Variants in CRTAC1 observed in about 807,000 individuals in gnomAD.
CRTAC1 encodes acidic secreted protein in cartilage.
Under a neutral mutation model 67.8 loss-of-function variants are expected in CRTAC1, and 37 were observed. The observed-to-expected ratio is 0.55, with a 90% CI of 0.42 to 0.72. The LOEUF (loss-of-function observed/expected upper bound fraction) is 0.72, where lower values mean the gene tolerates loss of function less well. Ranked by LOEUF, CRTAC1 falls within the 30% of genes least tolerant of loss-of-function variation. CRTAC1 has a pLI of 0.00. For missense variants in CRTAC1, 780 were observed against 931.6 expected (o/e 0.84, Z 2.12); for synonymous variants, 348 against 371.0 (o/e 0.94, Z 0.71).
intron 4 of CRTAC1, among the ~76,000 whole-genome samples, chr10:97,922,016 T>TC (rs2050847280): frequency 6.6e-6 from 1 of 151,808 alleles, no homozygotes; most frequent in Admixed American, 6.6e-5. Context: ...TGCATGCCTC[T>TC]CCCCCCAGTT....
At chr10:97,979,785 ATTTT>A (rs973638026) in intron 2 of CRTAC1, among the ~76,000 whole-genome samples, 3 of 151,316 alleles carry the variant, frequency 2.0e-5, no homozygotes, top group Non-Finnish European at 4.4e-5. Flanking sequence ...TGTCACCAGT[ATTTT>A]TTTTTGAAGG....
At chr10:97,904,180 C>G (rs1406371690) in intron 7 of CRTAC1, among the ~76,000 whole-genome samples, 1 of 152,094 alleles carries the variant, frequency 6.6e-6, no homozygotes, top group African/African-American at 2.4e-5. Flanking sequence ...TGCTCTCCCA[C>G]CTCTGCTGAC....
At chr10:97,908,669 A>G (rs188464504) in intron 5 of CRTAC1, among the ~76,000 whole-genome samples, 3 of 152,332 alleles carry the variant, frequency 2.0e-5, no homozygotes, top group Admixed American at 1.3e-4. Flanking sequence ...TACATCCATC[A>G]ATAGTGAATG....
rs760650627 is a variant in CRTAC1, at chr10:97,923,289, C to T, written c.533G>A (p.Arg178His). ...CTTTCTGTCCACACAGGCCACAGAG[C>T]GTCCGGCAAAGAGGCTGGCCACACC... ...ARGVASLFAG[R>H]SVACVDRKGS... The change falls in exon 4 of 15, where the codon CGC becomes CAC. Residue 178 changes from arginine to histidine, a missense_variant. Physicochemically the swap from Arg to His is conservative, Grantham distance 29. Coordinates refer to ENST00000370597, the MANE Select transcript of CRTAC1 (RefSeq NM_018058.7). 7 of 1,614,018 alleles carry T rather than the reference C, an allele frequency of 4.3e-6. No individual in the cohort carries two copies. Among genetic ancestry groups the T allele is most frequent in the African/African-American group, 1.3e-5 (1 of 74,938 alleles).
chr10:97,908,211 G>A, intron 5 of CRTAC1, 64 bp from the exon 6 acceptor site: 1 of 1,586,794 alleles, frequency 6.3e-7, no homozygotes, highest in East Asian at 2.2e-5. Flanking sequence ...TGGAGGACAG[G>A]GCTGCCTCTG....
Position 97,865,616 on chromosome 10 carries a change from GTGCAGCAGTGGCAGC to G in CRTAC1, c.1903_1917del (p.Ala635_Ala639del). 1 of 1,613,638 alleles carries G rather than the reference GTGCAGCAGTGGCAGC, an allele frequency of 6.2e-7. No individual in the cohort carries two copies. Among genetic ancestry groups the G allele is most frequent in the Non-Finnish European group, 8.5e-7 (1 of 1,179,716 alleles). On this transcript the variant is annotated inframe_deletion, in exon 15 of 15. Transcript: ENST00000370597. ...TTGAGATCTCCATCTACGAGGACCG[GTGCAGCAGTGGCAGC>G]TCCAGCAGCGGCAGCAGCAGCGGCA... is the stretch of plus-strand genomic sequence containing the variant.
intron 2 of CRTAC1, among the ~76,000 whole-genome samples, chr10:97,973,600 C>T (rs1382414135): frequency 6.6e-6 from 1 of 152,202 alleles, no homozygotes; most frequent in African/African-American, 2.4e-5. Context: ...CCCACCACTA[C>T]CAACCTGCTG....
chr10:97,901,716 G>A (rs1313656901), intron 7 of CRTAC1, 77 bp from the exon 8 acceptor site: 18 of 1,551,768 alleles, frequency 1.2e-5, no homozygotes, highest in African/African-American at 1.4e-5. Flanking sequence ...TATGGAGTGT[G>A]GGGGCAATTA....
intron 2 of CRTAC1, among the ~76,000 whole-genome samples, chr10:98,001,964 G>T (rs2136684495): frequency 6.6e-6 from 1 of 152,368 alleles, no homozygotes; most frequent in South Asian, 2.1e-4. Flanking sequence ...GTGATGCTGA[G>T]AGTGGGAGTT....
At chr10:97,908,622 G>T (rs113747488) in intron 5 of CRTAC1, among the ~76,000 whole-genome samples, 1 of 152,200 alleles carries the variant, frequency 6.6e-6, no homozygotes, top group Admixed American at 6.5e-5. Flanking sequence ...CTATAGGTAC[G>T]CAGATGCTTA....
At chr10:97,932,848 A>G (rs1339859304) in intron 3 of CRTAC1, among the ~76,000 whole-genome samples, 2 of 152,194 alleles carry the variant, frequency 1.3e-5, no homozygotes, top group African/African-American at 2.4e-5. Context: ...TGAGGCTGAG[A>G]GAGGTCAAGT....
intron 6 of CRTAC1, among the ~76,000 whole-genome samples, chr10:97,907,304 G>A (rs1331285775): frequency 1.3e-5 from 2 of 152,108 alleles, no homozygotes; most frequent in African/African-American, 2.4e-5. Flanking sequence ...AATCTCTGCA[G>A]AGGTGATATT....
intron 7 of CRTAC1, among the ~76,000 whole-genome samples, chr10:97,904,006 C>A (rs1452114089): frequency 1.4e-5 from 2 of 146,378 alleles, no homozygotes; most frequent in African/African-American, 5.5e-5. Flanking sequence ...AAGCTGAGGC[C>A]TGGCTTTTGT....
chr10:98,002,094 C>T (rs556114727), intron 2 of CRTAC1, among the ~76,000 whole-genome samples: 16 of 152,152 alleles, frequency 1.1e-4, no homozygotes, highest in Non-Finnish European at 1.8e-4. Flanking sequence ...GTAGGGCCCG[C>T]GGGACTAAGA....
At chr10:98,026,825 G>A (rs562367554) in intron 1 of CRTAC1, among the ~76,000 whole-genome samples, 1 of 152,328 alleles carries the variant, frequency 6.6e-6, no homozygotes, top group Admixed American at 6.5e-5. Context: ...AGTCTGCTGA[G>A]GCTCCAAGGA....
chr10:97,927,127 G>T (rs60280769), intron 3 of CRTAC1, among the ~76,000 whole-genome samples: 10,473 of 152,246 alleles, frequency 0.069, 434 homozygotes, highest in African/African-American at 0.11. Flanking sequence ...AAGCTGCAGA[G>T]TTCCTGCGTT....
At chr10:98,014,102 A>G (rs896736666) in intron 1 of CRTAC1, among the ~76,000 whole-genome samples, 3 of 151,956 alleles carry the variant, frequency 2.0e-5, no homozygotes, top group Non-Finnish European at 4.4e-5. Context: ...GGAAGCTTAG[A>G]AGAAGGTCTG....
intron 13 of CRTAC1, 68 bp from the exon 14 acceptor site, chr10:97,880,460 G>A: frequency 6.4e-7 from 1 of 1,574,380 alleles, no homozygotes; most frequent in African/African-American, 1.3e-5. Flanking sequence ...GGCTCTGCCT[G>A]CCTATACACT....
chr10:97,930,111 G>A (rs999091823), intron 3 of CRTAC1, among the ~76,000 whole-genome samples: 1 of 152,206 alleles, frequency 6.6e-6, no homozygotes, highest in Non-Finnish European at 1.5e-5. Context: ...GGAAGGCAGA[G>A]TCTTCATTTC....
Sources: allele counts gnomAD v4.1 joint callset (sites outside exome capture counted in the v4.1 genomes callset), GRCh38; gene constraint gnomAD v4.1.1; transcripts MANE v1.5; gene names NCBI Gene and HGNC (gene_info 2026-07-23, HGNC 2026-07-21).